Variants in CRTAM observed in about 807,000 individuals in gnomAD.
CRTAM encodes cytotoxic and regulatory T cell molecule, also known as cytotoxic and regulatory T-cell molecule.
A neutral mutation model predicts 50.0 loss-of-function variants in CRTAM; 44 were observed. The observed-to-expected ratio is 0.88, with a 90% CI of 0.69 to 1.13. The LOEUF (loss-of-function observed/expected upper bound fraction) is 1.13, where lower values mean the gene tolerates loss of function less well. Among genes scored for constraint, CRTAM ranks in the 50% most tolerant of loss-of-function variants. The pLI, the probability that CRTAM is intolerant of heterozygous loss-of-function variation, is 0.00. For missense variants in CRTAM, 448 were observed against 457.5 expected (o/e 0.98, Z 0.19); for synonymous variants, 159 against 169.3 (o/e 0.94, Z 0.47).
chr11:122,866,919 T>C lies in CRTAM; in HGVS notation c.818-490T>C, dbSNP rs376477047. 2.4e-3 allele frequency among the ~76,000 whole-genome samples: 373 copies of C among 152,278 alleles called. 2 individuals carry two copies. Among genetic ancestry groups the C allele is most frequent in the African/African-American group, 8.5e-3 (354 of 41,564 alleles). ...AGCCACTGCACCTGGCTAGAAATAT[T>C]TTCACAAGCTCATCTGATTTAGCCC... On this transcript the variant is annotated intron_variant, in intron 7 of 9. Coordinates refer to ENST00000227348, the MANE Select transcript of CRTAM (RefSeq NM_019604.4).
chr11:122,871,269 C>G lies in CRTAM; in HGVS notation c.1052C>G (p.Ser351Cys), dbSNP rs752808081. The change falls in exon 10 of 10, where the codon TCT (serine) becomes TGT (cysteine). Residue 351 changes from serine (S) to cysteine (C), a missense_variant and splice_region_variant. Transcript: ENST00000227348. ...ETSSEEKNGQ[S>C]SHPMRCMNYI... ...CATCTTCAACATGTTTTTCTTTCAG[C>G]TTCCCACCCTATGCGTTGCATGAAC... 6.2e-7 allele frequency: 1 copy of G among 1,605,658 alleles called. No individual in the cohort carries two copies. The highest frequency in any genetic ancestry group is 8.5e-7 in the Non-Finnish European group (1 of 1,176,534).
chr11:122,859,651 G>A (rs1393862121), intron 5 of CRTAM, among the ~76,000 whole-genome samples: 1 of 152,126 alleles, frequency 6.6e-6, no homozygotes, highest in Non-Finnish European at 1.5e-5. Context: ...TATTTTAATA[G>A]CTGGTTCAGA....
chr11:122,867,099 T>C (rs1862185826), intron 7 of CRTAM, among the ~76,000 whole-genome samples: 1 of 152,218 alleles, frequency 6.6e-6, no homozygotes, highest in South Asian at 2.1e-4. Flanking sequence ...CTCCTGACTA[T>C]AACTTAAGTC....
chr11:122,850,190 A>G lies in CRTAM; in HGVS notation c.169A>G (p.Thr57Ala). ...SLQWLTPSGFTIFLNEYPALK... is the reference protein window; with the variant it reads ...SLQWLTPSGFAIFLNEYPALK... ...CCAGTGGCTGACCCCCTCAGGGTTC[A>G]CCATTTTTTTAAATGAGTATCCTGG... The change falls in exon 2 of 10, where the codon ACC becomes GCC. Residue 57 changes from threonine (T) to alanine (A), a missense_variant. Coordinates refer to ENST00000227348, the MANE Select transcript of CRTAM (RefSeq NM_019604.4). 1.2e-6 allele frequency: 2 copies of G among 1,609,626 alleles called. No individual in the cohort carries two copies.
chr11:122,847,889 C>T lies in CRTAM; in HGVS notation c.47-2179C>T, dbSNP rs536093094. Reference sequence around the variant, plus strand: ...CCCAGTCTGACTAAGGGCATAAGGGCTTGGACGCAGTGGTATGGTAGAATG... The same window carrying T: ...CCCAGTCTGACTAAGGGCATAAGGGTTTGGACGCAGTGGTATGGTAGAATG... On this transcript the variant is annotated intron_variant, in intron 1 of 9. Coordinates refer to ENST00000227348, the MANE Select transcript of CRTAM (RefSeq NM_019604.4). 8.5e-5 allele frequency among the ~76,000 whole-genome samples: 13 copies of T among 152,342 alleles called. No individual in the cohort carries two copies. In the East Asian group the frequency reaches 2.5e-3, roughly 29 times the overall value.
In CRTAM at chr11:122,842,903, C is replaced by T. The variant is rs189380308; in HGVS notation, c.46+4311C>T. The stretch of plus-strand genomic sequence containing the variant: ...TGGGGACAGTAGAGATAACGAGTTC[C>T]AATGGGACATGTAGAGTTTGGGGTC... On this transcript the variant is annotated intron_variant, in intron 1 of 9. Coordinates refer to ENST00000227348, the MANE Select transcript of CRTAM (RefSeq NM_019604.4). 2.8e-4 allele frequency among the ~76,000 whole-genome samples: 43 copies of T among 152,156 alleles called. No individual in the cohort carries two copies. The East Asian group carries it at 8.1e-3, about 29-fold the overall frequency.
chr11:122,862,569 T>C, intron 6 of CRTAM, 25 bp downstream of exon 6: 2 of 1,401,280 alleles, frequency 1.4e-6, no homozygotes, highest in Non-Finnish European at 2.0e-6. Flanking sequence ...CATTCAAACT[T>C]GTTTTTAAAA....
In CRTAM at chr11:122,863,899, G is replaced by A. The variant is rs1339326574; in HGVS notation, c.734-737G>A. Among the ~76,000 whole-genome samples, 3 of 151,804 alleles carry A rather than the reference G, an allele frequency of 2.0e-5. No homozygotes were observed. In the East Asian group the frequency reaches 5.8e-4, roughly 29 times the overall value. On this transcript the variant is annotated intron_variant, in intron 6 of 9. Transcript: ENST00000227348. ...TAGAATGGGAGGCTTCATTCCCCTCGGGGTCCACATAGTGGCGCTGTGCAA... is the reference window on the plus strand; with the variant it reads ...TAGAATGGGAGGCTTCATTCCCCTCAGGGTCCACATAGTGGCGCTGTGCAA...
chr11:122,864,576 G>A, intron 6 of CRTAM, 60 bp from the exon 7 acceptor site: 2 of 1,161,232 alleles, frequency 1.7e-6, no homozygotes, highest in South Asian at 2.6e-5. Context: ...AACTACAGTT[G>A]TATGTAGTCA....
At chr11:122,861,825 C>T (rs1565292046) in intron 5 of CRTAM, among the ~76,000 whole-genome samples, 1 of 152,022 alleles carries the variant, frequency 6.6e-6, no homozygotes, top group Non-Finnish European at 1.5e-5. Context: ...TGTTCAATGA[C>T]TGGTAAAACC....
chr11:122,856,466 C>G (rs1862009282), intron 5 of CRTAM, among the ~76,000 whole-genome samples: 1 of 152,212 alleles, frequency 6.6e-6, no homozygotes, highest in Non-Finnish European at 1.5e-5. Context: ...AATTTTAAAA[C>G]TGTACACAAC....
chr11:122,865,607 T>C (rs191753739), intron 7 of CRTAM, among the ~76,000 whole-genome samples: 2 of 152,272 alleles, frequency 1.3e-5, no homozygotes, highest in Admixed American at 1.3e-4. Context: ...TCTATACCTA[T>C]ATTTCCAGAA....
rs1861914887 is a variant in CRTAM at position 122,850,271 on chromosome 11, A to G, written c.193+57A>G. ...CAGACCTTAACCTGAGGGTTTTTCC[A>G]GCCGGACAGTTTGGTGGGACAGAAA... On this transcript the variant is annotated intron_variant, in intron 2 of 9. Coordinates refer to ENST00000227348, the MANE Select transcript of CRTAM (RefSeq NM_019604.4). The G allele has an allele frequency of 2.7e-6, 4 of 1,504,016 alleles. No individual in the cohort carries two copies. In the South Asian group the frequency reaches 5.3e-5, roughly 20 times the overall value. The allele number at this position is 1,504,016 out of a possible 1,614,324, so 93.2% of individuals were successfully genotyped here.
Position 122,871,641 on chromosome 11 carries a change from C to T in CRTAM, c.*242C>T, listed in dbSNP as rs538902773. ...AAAATAATTATGCCTGACACTACTT[C>T]AGAGCAGGAGGATTCTACGAAGCCT... On this transcript the variant is annotated 3_prime_UTR_variant, in exon 10 of 10. Coordinates refer to ENST00000227348, the MANE Select transcript of CRTAM (RefSeq NM_019604.4). The T allele has an allele frequency of 7.3e-6, 2 of 272,340 alleles. No homozygotes were observed. The highest frequency in any genetic ancestry group is 1.4e-5 in the Non-Finnish European group (2 of 146,590). 16.9% of individuals were successfully genotyped at this position (272,340 alleles called of 1,614,324 possible).
intron 9 of CRTAM, among the ~76,000 whole-genome samples, chr11:122,870,316 A>T (rs1036174256): frequency 1.3e-5 from 2 of 152,058 alleles, no homozygotes; most frequent in Non-Finnish European, 2.9e-5. Flanking sequence ...CCTGGACTCA[A>T]GTGATCCACC....
chr11:122,855,053 T>C (rs1013073190), intron 4 of CRTAM, among the ~76,000 whole-genome samples: 6 of 152,142 alleles, frequency 3.9e-5, no homozygotes, highest in African/African-American at 1.4e-4. Context: ...AAACGATTCT[T>C]CTACCTCAGC....
chr11:122,868,444 A>G (rs528932926), intron 9 of CRTAM, among the ~76,000 whole-genome samples: 1 of 152,086 alleles, frequency 6.6e-6, no homozygotes, highest in East Asian at 1.9e-4. Flanking sequence ...AGGAGAGAGG[A>G]GGGAGTGTAT....
chr11:122,854,272 CATAG>C (rs1229590571), intron 4 of CRTAM, among the ~76,000 whole-genome samples, 186 bp downstream of exon 4: 1 of 152,170 alleles, frequency 6.6e-6, no homozygotes, highest in Admixed American at 6.5e-5. Flanking sequence ...AAAGGCTAAT[CATAG>C]ATATTGAAAA....
intron 1 of CRTAM, among the ~76,000 whole-genome samples, chr11:122,840,470 G>T (rs1320382747): frequency 6.6e-6 from 1 of 152,030 alleles, no homozygotes; most frequent in Non-Finnish European, 1.5e-5. Context: ...GTATTAATGT[G>T]GATCAAAAGT....
Sources: gnomAD v4.1 joint callset for allele counts (sites outside exome capture counted in the v4.1 genomes callset) on GRCh38, gnomAD v4.1.1 for gene constraint, MANE v1.5 for transcripts, NCBI Gene and HGNC (gene_info 2026-07-23, HGNC 2026-07-21) for gene names.